The following KCNIP4 variants were observed in gnomAD, a reference collection of about 807,000 sequenced individuals.
The protein encoded by KCNIP4 is potassium voltage-gated channel interacting protein 4, also known as Kv channel-interacting protein 4.
In KCNIP4, 12 loss-of-function variants were observed where a neutral mutation model predicts 34.0. That is an observed-to-expected ratio of 0.35 (90% CI 0.23 to 0.57). The LOEUF (loss-of-function observed/expected upper bound fraction) is 0.57. Ranked by LOEUF, KCNIP4 falls within the 20% of genes least tolerant of loss-of-function variation. The pLI, the probability that KCNIP4 is intolerant of heterozygous loss-of-function variation, is 0.83. For missense variants in KCNIP4, 238 were observed against 311.7 expected, an observed-to-expected ratio of 0.76 and a Z score of 1.78; for synonymous variants, 124 against 102.2, an observed-to-expected ratio of 1.21 and a Z score of -1.29.
At chr4:21,620,792 T>A (rs1001430649) in intron 1 of KCNIP4, among the ~76,000 whole-genome samples, 6 of 152,200 alleles carry the variant, frequency 3.9e-5, no homozygotes, top group East Asian at 1.9e-4. Context: ...TTACAGCTGT[T>A]GCCCATGTAC....
At chr4:21,064,348 T>C (rs146278829) in intron 1 of KCNIP4, among the ~76,000 whole-genome samples, 5 of 152,118 alleles carry the variant, frequency 3.3e-5, no homozygotes, top group African/African-American at 1.2e-4. Flanking sequence ...GAATGCTTTA[T>C]GATTATTGCT....
At chr4:20,969,657 T>C (rs1734729161) in intron 1 of KCNIP4, among the ~76,000 whole-genome samples, 3 of 152,058 alleles carry the variant, frequency 2.0e-5, no homozygotes, top group Non-Finnish European at 4.4e-5. Flanking sequence ...ATTCTAAATA[T>C]ATAAGGAACT....
At chr4:21,657,968 T>G (rs1046933871) in intron 1 of KCNIP4, among the ~76,000 whole-genome samples, 4 of 151,928 alleles carry the variant, frequency 2.6e-5, no homozygotes, top group Non-Finnish European at 4.4e-5. Flanking sequence ...GCTTCCTGAG[T>G]AGCTGGGATT....
chr4:21,632,850 A>T (rs1221218040), intron 1 of KCNIP4, among the ~76,000 whole-genome samples: 1 of 152,204 alleles, frequency 6.6e-6, no homozygotes, highest in Non-Finnish European at 1.5e-5. Flanking sequence ...AAGAATTTCC[A>T]ACTCAAATGC....
At chr4:21,336,406 A>T (rs1003989841) in intron 1 of KCNIP4, among the ~76,000 whole-genome samples, 2 of 152,110 alleles carry the variant, frequency 1.3e-5, no homozygotes, top group Non-Finnish European at 2.9e-5. Context: ...TGAGAAATGA[A>T]CACCTTCATT....
chr4:21,528,671 AAAACAAAGAAAGAAAGAAAG>A (rs1736195885), intron 1 of KCNIP4, among the ~76,000 whole-genome samples: 3 of 115,626 alleles, frequency 2.6e-5, no homozygotes, highest in Non-Finnish European at 3.6e-5. Flanking sequence ...TGTCTCATAA[AAAACAAAGAAAGAAAGAAAG>A]AAAGAAAGAA....
At chr4:21,647,348 A>G (rs767120323) in intron 1 of KCNIP4, among the ~76,000 whole-genome samples, 1 of 152,132 alleles carries the variant, frequency 6.6e-6, no homozygotes, top group Non-Finnish European at 1.5e-5. Flanking sequence ...TGTCATAACA[A>G]TTTTAAACAT....
rs187924519 is a variant in KCNIP4 at position 21,763,235 on chromosome 4, C to T, written c.61+185336G>A. Among the ~76,000 whole-genome samples the T allele has an allele frequency of 1.6e-4, 25 of 152,250 alleles. No individual in the cohort carries two copies. In the South Asian group the frequency reaches 3.3e-3, roughly 20 times the overall value. Reference sequence around the variant, plus strand: ...TGCGTGTCATAAGAAACAAAGCCCACGGCTGTGCATTCCTCTAACACAATA... The same window carrying T: ...TGCGTGTCATAAGAAACAAAGCCCATGGCTGTGCATTCCTCTAACACAATA... On this transcript the variant is annotated intron_variant, in intron 1 of 8. Transcript: ENST00000382152.
At chr4:21,351,601 A>T (rs1352092942) in intron 1 of KCNIP4, among the ~76,000 whole-genome samples, 1 of 152,188 alleles carries the variant, frequency 6.6e-6, no homozygotes, top group Non-Finnish European at 1.5e-5. Flanking sequence ...ACCTCAGAAT[A>T]TGACTATATT....
chr4:20,854,593 T>C (rs2149487887), intron 2 of KCNIP4, among the ~76,000 whole-genome samples: 1 of 152,272 alleles, frequency 6.6e-6, no homozygotes, highest in African/African-American at 2.4e-5. Flanking sequence ...CTGAAGAACT[T>C]ACTCATGTAA....
chr4:21,137,882 T>G (rs1751630131), intron 1 of KCNIP4, among the ~76,000 whole-genome samples: 1 of 146,366 alleles, frequency 6.8e-6, no homozygotes, highest in Non-Finnish European at 1.5e-5. Context: ...TTTTTTGTTT[T>G]TTTTTTTTTG....
chr4:20,864,974 G>C (rs1161972356), intron 2 of KCNIP4, among the ~76,000 whole-genome samples: 1 of 152,052 alleles, frequency 6.6e-6, no homozygotes, highest in African/African-American at 2.4e-5. Context: ...TACTGATAAT[G>C]GAGAAGGAGC....
At chr4:21,218,266 C>T (rs1382032543) in intron 1 of KCNIP4, among the ~76,000 whole-genome samples, 4 of 152,002 alleles carry the variant, frequency 2.6e-5, no homozygotes, top group East Asian at 1.9e-4. Context: ...CCACCCGCCT[C>T]GGCCTTCCAA....
chr4:20,784,623 CT>C (rs994138526), intron 3 of KCNIP4, among the ~76,000 whole-genome samples: 15 of 151,986 alleles, frequency 9.9e-5, no homozygotes, highest in African/African-American at 2.7e-4. Context: ...ACATTCCCTC[CT>C]TTTTTTTCTT....
chr4:21,068,966 C>T (rs761541209), intron 1 of KCNIP4, among the ~76,000 whole-genome samples: 34 of 152,292 alleles, frequency 2.2e-4, no homozygotes, highest in Non-Finnish European at 4.1e-4. Context: ...AATTGCTGAT[C>T]TACATTTACT....
At chr4:21,893,689 AG>A (rs1727229727) in intron 1 of KCNIP4, among the ~76,000 whole-genome samples, 1 of 152,186 alleles carries the variant, frequency 6.6e-6, no homozygotes, top group Non-Finnish European at 1.5e-5. Flanking sequence ...TTAACAGATT[AG>A]TCCTTTTGAG....
intron 1 of KCNIP4, among the ~76,000 whole-genome samples, chr4:21,042,262 A>C (rs952562574): frequency 2.0e-5 from 3 of 152,208 alleles, no homozygotes; most frequent in Admixed American, 2.0e-4. Flanking sequence ...ACTACTCACA[A>C]TAGCTAAGAT....
intron 3 of KCNIP4, among the ~76,000 whole-genome samples, chr4:20,817,423 C>T (rs543539653): frequency 2.6e-5 from 4 of 152,308 alleles, no homozygotes; most frequent in South Asian, 4.1e-4. Flanking sequence ...CACGCTGCTC[C>T]CATCCTGCTA....
chr4:21,301,687 A>G (rs893343737), intron 1 of KCNIP4, among the ~76,000 whole-genome samples: 3 of 152,146 alleles, frequency 2.0e-5, no homozygotes, highest in African/African-American at 7.2e-5. Context: ...GATAATAAAC[A>G]TTGCTTATCC....
Sources: allele counts gnomAD v4.1 joint callset (sites outside exome capture counted in the v4.1 genomes callset), GRCh38; gene constraint gnomAD v4.1.1; transcripts MANE v1.5; gene names NCBI Gene and HGNC (gene_info 2026-07-23, HGNC 2026-07-21).